The following CHEK1 variants were observed in gnomAD, a reference collection of about 807,000 sequenced individuals.
The protein encoded by CHEK1 is serine/threonine-protein kinase Chk1.
Under a neutral mutation model 60.2 loss-of-function variants are expected in CHEK1, and 32 were observed. That is an observed-to-expected ratio of 0.53 (90% confidence interval 0.40 to 0.71). The LOEUF (loss-of-function observed/expected upper bound fraction) is 0.71, where lower values mean the gene tolerates loss of function less well. Among genes scored for constraint, CHEK1 ranks in the 30% least tolerant of loss-of-function variants. The probability of loss-of-function intolerance (pLI) is 0.00; values close to 1 mark genes in which losing one functional copy is unlikely to be tolerated. For missense variants in CHEK1, 399 were observed against 564.6 expected, an observed-to-expected ratio of 0.71 and a Z score of 2.97; for synonymous variants, 179 against 187.2, an observed-to-expected ratio of 0.96 and a Z score of 0.36.
chr11:125,671,502 A>G (rs1942202317), intron 13 of CHEK1: 1 of 152,178 alleles, frequency 6.6e-6, no homozygotes, highest in Admixed American at 6.5e-5. Flanking sequence ...CTTGTTAGCA[A>G]TATATTTTGG....
intron 13 of CHEK1, chr11:125,675,809 A>G (rs1334415810): frequency 6.5e-6 from 1 of 153,224 alleles, no homozygotes. Flanking sequence ...GGGAAGAGAC[A>G]GCTAGTCTCT....
chr11:125,644,519 G>A lies in CHEK1; in HGVS notation c.1109G>A (p.Trp370Ter), dbSNP rs1279132447. The A allele has an allele frequency of 1.2e-6, 2 of 1,613,718 alleles. No individual in the cohort carries two copies. Among genetic ancestry groups the A allele is most frequent in the East Asian group, 2.2e-5 (1 of 44,850 alleles). ...CTTCTGTTTGACATGTAGAACCCCT[G>A]GCAGCGGTTGGTCAAAAGAATGACA... Reference protein sequence around the residue: ...LGTPGSSQNPWQRLVKRMTRF... With the variant: ...LGTPGSSQNP Residue 370 changes from tryptophan (W) to a stop codon, truncating the protein, a stop_gained, in exon 11 of 13, where the codon TGG becomes TAG. Coordinates refer to ENST00000438015, the MANE Select transcript of CHEK1 (RefSeq NM_001114122.3). LOFTEE classifies it high-confidence loss of function.
intron 13 of CHEK1, among the ~76,000 whole-genome samples, chr11:125,664,054 A>G (rs1054878215): frequency 2.0e-5 from 3 of 152,066 alleles, no homozygotes; most frequent in East Asian, 1.9e-4. Context: ...CCACAAGTCT[A>G]TGTGTCTGCT....
At chr11:125,678,213 A>C (rs145018725), downstream of CHEK1, 4 of 1,614,072 alleles carry the variant, frequency 2.5e-6, no homozygotes, top group Non-Finnish European at 3.4e-6. Flanking sequence ...AGGGTTTTCA[A>C]GTGAAAAGAA....
At chr11:125,674,830 C>CT (rs893619137) in intron 13 of CHEK1, among the ~76,000 whole-genome samples, 1 of 152,180 alleles carries the variant, frequency 6.6e-6, no homozygotes, top group Non-Finnish European at 1.5e-5. Flanking sequence ...AATTCAAACT[C>CT]TTTTTAACTG....
chr11:125,631,904 C>G (rs893246089), intron 5 of CHEK1, among the ~76,000 whole-genome samples: 2 of 143,568 alleles, frequency 1.4e-5, no homozygotes, highest in East Asian at 4.2e-4. Context: ...ATCACAGTAG[C>G]TACCTCCTAA....
At chr11:125,627,982 G>A (rs1013820699) in intron 3 of CHEK1, 152 bp downstream of exon 3, 1 of 584,140 alleles carries the variant, frequency 1.7e-6, no homozygotes. Flanking sequence ...TCCACCTGGT[G>A]TTAATAACAT....
At chr11:125,650,334 TA>T (rs1279207666) in intron 11 of CHEK1, among the ~76,000 whole-genome samples, 19 of 152,166 alleles carry the variant, frequency 1.2e-4, no homozygotes, top group African/African-American at 4.3e-4. Context: ...ACATGCTTTG[TA>T]ATTTTTTGTT....
In CHEK1 at chr11:125,656,319, C is replaced by T. The variant is rs914637377; in HGVS notation, c.*999C>T. ...TGAGCTATGATTGCACCAGTGCACTCCAGCTTGGATGACAGAGTAAGACCC... is the reference window on the plus strand; with the variant it reads ...TGAGCTATGATTGCACCAGTGCACTTCAGCTTGGATGACAGAGTAAGACCC... On this transcript the variant is annotated 3_prime_UTR_variant, in exon 13 of 13. Transcript: ENST00000438015. 4 of 211,208 alleles carry T rather than the reference C, an allele frequency of 1.9e-5. No individual in the cohort carries two copies. Among genetic ancestry groups the T allele is most frequent in the Non-Finnish European group, 2.9e-5 (3 of 104,198 alleles). 13.1% of individuals were successfully genotyped at this position (211,208 alleles called of 1,614,324 possible).
At chr11:125,646,254 G>A (rs1941501691) in intron 11 of CHEK1, among the ~76,000 whole-genome samples, 1 of 152,102 alleles carries the variant, frequency 6.6e-6, no homozygotes, top group Admixed American at 6.5e-5. Flanking sequence ...CTTTGGGTCT[G>A]TCTGCTTTCA....
chr11:125,638,301 A>C (rs142240274), intron 8 of CHEK1, among the ~76,000 whole-genome samples: 6 of 152,028 alleles, frequency 3.9e-5, no homozygotes, highest in African/African-American at 1.4e-4. Flanking sequence ...TTTTTCTGCT[A>C]GTTGTCTAGA....
chr11:125,626,372 T>G (rs763298895), intron 1 of CHEK1: 99 of 423,680 alleles, frequency 2.3e-4, no homozygotes, highest in Non-Finnish European at 3.4e-4. Context: ...CGCAGGCGTT[T>G]TCTGCCCCAT....
At chr11:125,665,545 G>T (rs1009353966) in intron 13 of CHEK1, among the ~76,000 whole-genome samples, 4 of 152,140 alleles carry the variant, frequency 2.6e-5, no homozygotes, top group African/African-American at 9.6e-5. Flanking sequence ...AGTAGTTTGG[G>T]TAGAATTGAT....
intron 11 of CHEK1, among the ~76,000 whole-genome samples, chr11:125,645,555 T>C (rs1452862843): frequency 6.6e-6 from 1 of 152,192 alleles, no homozygotes; most frequent in African/African-American, 2.4e-5. Context: ...ACGGACATTA[T>C]TGGAACAATT....
rs998869350 is a variant in CHEK1, at chr11:125,655,854, T to C, written c.*534T>C. The C allele has an allele frequency of 3.3e-5, 7 of 210,990 alleles. No homozygotes were observed. The highest frequency in any genetic ancestry group is 4.8e-5 in the Non-Finnish European group (5 of 104,086). 13.1% of individuals were successfully genotyped at this position (210,990 alleles called of 1,614,324 possible). ...GGGCCTGGCCAGTTATATAAACCTG[T>C]TTTTGAATTATAATGATTAATTAAA... On this transcript the variant is annotated 3_prime_UTR_variant, in exon 13 of 13. Coordinates refer to ENST00000438015, the MANE Select transcript of CHEK1 (RefSeq NM_001114122.3).
downstream of CHEK1, chr11:125,677,705 T>C: frequency 6.6e-7 from 1 of 1,523,254 alleles, no homozygotes; most frequent in Non-Finnish European, 9.0e-7. Flanking sequence ...AATTCTTTCT[T>C]CTGCACTCCT....
rs767992502 is a variant in CHEK1 at position 125,627,740 on chromosome 11, G to C, written c.199G>C (p.Val67Leu). The C allele has an allele frequency of 6.2e-7, 1 of 1,613,676 alleles. No individual in the cohort carries two copies. The highest frequency in any genetic ancestry group is 1.1e-5 in the South Asian group (1 of 91,064). Residue 67 changes from valine to leucine, a missense_variant, in exon 3 of 13, where the codon GTA (valine) becomes CTA (leucine). By Grantham distance (32) the Val-to-Leu change is conservative (BLOSUM62 1). This residue lies in a region of CHEK1 where 370 missense variants were observed against 494.8 expected (regional missense o/e 0.75). Transcript: ENST00000438015. ...CAATAAAATGCTAAATCATGAAAATGTAGTAAAATTCTATGGTCACAGGAG... is the reference window on the plus strand; with the variant it reads ...CAATAAAATGCTAAATCATGAAAATCTAGTAAAATTCTATGGTCACAGGAG... ...CINKMLNHEN[V>L]VKFYGHRREG...
At chr11:125,667,987 A>G (rs1319375569) in intron 13 of CHEK1, among the ~76,000 whole-genome samples, 3 of 152,186 alleles carry the variant, frequency 2.0e-5, no homozygotes, top group African/African-American at 7.2e-5. Context: ...AGTCTAAATA[A>G]TGTATCCCAT....
intron 1 of CHEK1, chr11:125,626,381 A>T (rs971212483): frequency 5.5e-5 from 24 of 436,564 alleles, no homozygotes; most frequent in African/African-American, 3.5e-4. Context: ...TTTCTGCCCC[A>T]TACCGCTCCC....
Sources: gnomAD v4.1 joint callset for allele counts (sites outside exome capture counted in the v4.1 genomes callset) on GRCh38, gnomAD v4.1.1 for gene constraint, gnomAD v4.1.1 regional missense constraint, MANE v1.5 for transcripts, NCBI Gene and HGNC (gene_info 2026-07-23, HGNC 2026-07-21) for gene names.